The following WDR59 variants were observed in gnomAD, a reference collection of about 807,000 sequenced individuals.
WDR59 encodes the protein WD repeat domain 59.
Under a neutral mutation model 131.2 loss-of-function variants are expected in WDR59, and 100 were observed. The ratio of observed to expected loss-of-function variants is 0.76; its 90% confidence interval spans 0.65 to 0.90. The LOEUF (loss-of-function observed/expected upper bound fraction) is 0.90, where lower values mean the gene tolerates loss of function less well. Ranked by LOEUF, WDR59 falls within the 40% of genes least tolerant of loss-of-function variation. The pLI is 0.00. For synonymous variants in WDR59, 601 were observed against 466.2 expected (o/e 1.29, Z -3.72); for missense variants, 1,203 against 1,262.2 (o/e 0.95, Z 0.71).
chr16:74,895,662 G>A (rs933014339), intron 18 of WDR59, among the ~76,000 whole-genome samples: 1 of 152,106 alleles, frequency 6.6e-6, no homozygotes, highest in Non-Finnish European at 1.5e-5. Context: ...ATTATTATGG[G>A]GTAGCCCTTC....
rs1282803243 is a variant in WDR59, at chr16:74,904,577, T to C, written c.1713-477A>G. ...ACGCAAGGATTGGAAGAGTCCATATTCTTAAGACATCAATTTTCTCTAAAT... is the reference window on the plus strand; with the variant it reads ...ACGCAAGGATTGGAAGAGTCCATATCCTTAAGACATCAATTTTCTCTAAAT... On this transcript the variant is annotated intron_variant, in intron 17 of 25. Transcript: ENST00000262144. Among the ~76,000 whole-genome samples the C allele has an allele frequency of 3.3e-5, 5 of 152,192 alleles. No individual in the cohort carries two copies. The East Asian group carries it at 7.7e-4, about 23-fold the overall frequency.
intron 8 of WDR59, among the ~76,000 whole-genome samples, chr16:74,926,261 A>G (rs573883099): frequency 1.3e-5 from 2 of 152,032 alleles, no homozygotes; most frequent in South Asian, 2.1e-4. Context: ...GGGTTTCACC[A>G]TGGCCAGGCT....
At chr16:74,944,926 C>T (rs1268723255) in intron 6 of WDR59, among the ~76,000 whole-genome samples, 1 of 151,852 alleles carries the variant, frequency 6.6e-6, no homozygotes, top group Non-Finnish European at 1.5e-5. Context: ...GAGTTAGAGA[C>T]CAGCCTGGCC....
At chr16:74,963,867 C>A (rs1369915893) in intron 2 of WDR59, among the ~76,000 whole-genome samples, 1 of 151,602 alleles carries the variant, frequency 6.6e-6, no homozygotes, top group Non-Finnish European at 1.5e-5. Context: ...AGCGAATACA[C>A]TCCAGCCTGG....
intron 1 of WDR59, among the ~76,000 whole-genome samples, chr16:74,977,580 C>G (rs1217694353): frequency 6.6e-6 from 1 of 151,872 alleles, no homozygotes; most frequent in African/African-American, 2.4e-5. Flanking sequence ...CCCAGCCACT[C>G]GGGAAGCTAA....
chr16:74,908,911 G>A lies in WDR59; in HGVS notation c.1709C>T (p.Pro570Leu). 1.9e-6 allele frequency: 3 copies of A among 1,613,880 alleles called. No individual in the cohort carries two copies. The highest frequency in any genetic ancestry group is 2.2e-5 in the East Asian group (1 of 44,878). Residue 570 changes from proline to leucine, a missense_variant, in exon 17 of 26, where the codon CCG becomes CTG. Coordinates refer to ENST00000262144, the MANE Select transcript of WDR59 (RefSeq NM_030581.4). ...HRAVSPTEPTPRSLSALSAYH... is the reference protein window; with the variant it reads ...HRAVSPTEPTLRSLSALSAYH... ...CTTCTGCATCTCCCTGACTCACCTC[G>A]GAGTAGGCTCTGTGGGAGACACCGC... is the stretch of plus-strand genomic sequence containing the variant.
In WDR59 at chr16:74,903,995, G is replaced by T; in HGVS notation, c.1818C>A (p.Arg606=). The T allele has an allele frequency of 6.2e-7, 1 of 1,611,316 alleles. No homozygotes were observed. Among genetic ancestry groups the T allele is most frequent in the Non-Finnish European group, 8.5e-7 (1 of 1,179,208 alleles). Residue 606 remains arginine, a synonymous_variant, in exon 18 of 26, where the codon CGC becomes CGA. Coordinates refer to ENST00000262144, the MANE Select transcript of WDR59 (RefSeq NM_030581.4). ...NLRLYSGSPT[R]SEKEQVSISS... ...TGATGGAGACCTGCTCTTTCTCGCT[G>T]CGAGTGGGGCTCCCACTGTATAAAC...
intron 1 of WDR59, among the ~76,000 whole-genome samples, chr16:74,976,354 A>G (rs976411084): frequency 1.3e-5 from 2 of 152,124 alleles, no homozygotes; most frequent in African/African-American, 4.8e-5. Flanking sequence ...TTCTGCTGAG[A>G]TGATTCATTT....
In WDR59 at chr16:74,871,849, C is replaced by T. The variant is rs983947484; in HGVS notation, c.*2360G>A. On this transcript the variant is annotated 3_prime_UTR_variant, in exon 26 of 26. Transcript: ENST00000262144. Reference sequence around the variant, plus strand: ...TCCTCCCAGCGGCTCCCCCGCCCTGCTCACGCTACTGAGACACTGGCACCT... The same window carrying T: ...TCCTCCCAGCGGCTCCCCCGCCCTGTTCACGCTACTGAGACACTGGCACCT... 1 of 152,280 alleles carries T rather than the reference C, an allele frequency of 6.6e-6. No individual in the cohort carries two copies. Among genetic ancestry groups the T allele is most frequent in the Admixed American group, 6.5e-5 (1 of 15,282 alleles). 9.4% of individuals were successfully genotyped at this position (152,280 alleles called of 1,614,324 possible).
intron 9 of WDR59, among the ~76,000 whole-genome samples, chr16:74,922,829 T>C (rs1202534346): frequency 6.6e-6 from 1 of 152,222 alleles, no homozygotes; most frequent in Non-Finnish European, 1.5e-5. Flanking sequence ...AAGAAGAGTG[T>C]CTGATTTCTT....
chr16:74,961,461 G>T (rs991571995), intron 2 of WDR59, among the ~76,000 whole-genome samples: 1 of 152,156 alleles, frequency 6.6e-6, no homozygotes, highest in African/African-American at 2.4e-5. Flanking sequence ...AGCATCTGTT[G>T]TTTCTTGACT....
intron 3 of WDR59, among the ~76,000 whole-genome samples, chr16:74,952,193 G>T (rs1396452430): frequency 2.4e-4 from 36 of 151,830 alleles, no homozygotes. Flanking sequence ...GGTGGCTCAT[G>T]CCTGTAATCC....
rs145585530 is a variant in WDR59, at chr16:74,900,832, C to T, written c.1866+3115G>A. 4.5e-3 allele frequency among the ~76,000 whole-genome samples: 682 copies of T among 152,336 alleles called. 6 individuals are homozygous for T. The highest frequency in any genetic ancestry group is 0.015 in the African/African-American group (643 of 41,574). ...GTTTTGTTATCTCAAAAATACACTACACTGGGCCGGGTGCAGTGGCTCACG... is the reference window on the plus strand; with the variant it reads ...GTTTTGTTATCTCAAAAATACACTATACTGGGCCGGGTGCAGTGGCTCACG... On this transcript the variant is annotated intron_variant, in intron 18 of 25. Transcript: ENST00000262144.
chr16:74,890,305 C>T (rs1286503067), intron 20 of WDR59, among the ~76,000 whole-genome samples: 1 of 152,084 alleles, frequency 6.6e-6, no homozygotes, highest in African/African-American at 2.4e-5. Flanking sequence ...CATGTGCCAC[C>T]ACACCTGGCT....
At chr16:74,914,259 A>G (rs1467662637) in intron 13 of WDR59, among the ~76,000 whole-genome samples, 1 of 151,678 alleles carries the variant, frequency 6.6e-6, no homozygotes, top group African/African-American at 2.4e-5. Context: ...TTATATCTCA[A>G]TAATTTTTTT....
At chr16:74,955,585 A>G (rs2033249027) in intron 3 of WDR59, among the ~76,000 whole-genome samples, 1 of 152,146 alleles carries the variant, frequency 6.6e-6, no homozygotes, top group South Asian at 2.1e-4. Context: ...TCGGACATCC[A>G]CAGTTAAAGG....
chr16:74,917,185 G>C (rs1009838363), intron 11 of WDR59, among the ~76,000 whole-genome samples: 3 of 152,192 alleles, frequency 2.0e-5, no homozygotes, highest in Admixed American at 6.5e-5. Context: ...AGGTACTACT[G>C]TGTGTGGTTC....
chr16:74,929,328 G>A (rs2031171837), intron 8 of WDR59, among the ~76,000 whole-genome samples: 1 of 152,130 alleles, frequency 6.6e-6, no homozygotes, highest in Non-Finnish European at 1.5e-5. Context: ...ACCTGCCTCG[G>A]CCTCCCAAAG....
At chr16:74,903,580 A>T (rs2144886878) in intron 18 of WDR59, among the ~76,000 whole-genome samples, 1 of 152,336 alleles carries the variant, frequency 6.6e-6, no homozygotes, top group Middle Eastern at 3.4e-3. Flanking sequence ...CCAAGACTCC[A>T]GAGGCATTCC....
Sources: allele counts gnomAD v4.1 joint callset (sites outside exome capture counted in the v4.1 genomes callset), GRCh38; gene constraint gnomAD v4.1.1; transcripts MANE v1.5; gene names NCBI Gene and HGNC (gene_info 2026-07-23, HGNC 2026-07-21).